Variants in CPNE8 observed in about 807,000 individuals in gnomAD.
CPNE8 encodes the protein copine-8.
In CPNE8, 45 loss-of-function variants were observed where a neutral mutation model predicts 81.5. The ratio of observed to expected loss-of-function variants is 0.55; its 90% CI spans 0.44 to 0.71. CPNE8 has a LOEUF of 0.71. CPNE8 is among the 30% of genes least tolerant of loss of function. The pLI is 0.00. For synonymous variants in CPNE8, 252 were observed against 226.3 expected (o/e 1.11, Z -1.02); for missense variants, 594 against 672.1 (o/e 0.88, Z 1.28).
chr12:38,833,770 A>G (rs1293757534), intron 5 of CPNE8, among the ~76,000 whole-genome samples: 2 of 151,956 alleles, frequency 1.3e-5, no homozygotes, highest in Non-Finnish European at 2.9e-5. Flanking sequence ...GAGCCACCGC[A>G]CCCGGCCACC....
chr12:38,777,230 C>A (rs1420195880), intron 6 of CPNE8, among the ~76,000 whole-genome samples: 1 of 151,454 alleles, frequency 6.6e-6, no homozygotes, highest in African/African-American at 2.4e-5. Context: ...AAATGTATAA[C>A]TTTGTGTCTT....
At chr12:38,669,312 G>A (rs980736899) in intron 19 of CPNE8, among the ~76,000 whole-genome samples, 5 of 151,822 alleles carry the variant, frequency 3.3e-5, no homozygotes, top group Non-Finnish European at 7.4e-5. Flanking sequence ...CTTTATCAAT[G>A]TTACTCTTTA....
chr12:38,842,563 T>C (rs1020981634), intron 4 of CPNE8, among the ~76,000 whole-genome samples: 1 of 150,904 alleles, frequency 6.6e-6, no homozygotes, highest in Non-Finnish European at 1.5e-5. Flanking sequence ...GAAATTAACA[T>C]TTTTCCTTTT....
rs560630017 is a variant in CPNE8 at position 38,833,777 on chromosome 12, C to A, written c.331-4322G>T. ...ACAGGTATGAGCCACCGCACCCGGC[C>A]ACCAATTTTTAAAAATTATCAAAGG... On this transcript the variant is annotated intron_variant, in intron 5 of 19. Coordinates refer to ENST00000331366, the MANE Select transcript of CPNE8 (RefSeq NM_153634.3). Among the ~76,000 whole-genome samples the A allele has an allele frequency of 3.3e-5, 5 of 152,176 alleles. No individual in the cohort carries two copies. In the East Asian group the frequency reaches 9.7e-4, roughly 30 times the overall value.
At chr12:38,782,566 G>A (rs180703731) in intron 6 of CPNE8, among the ~76,000 whole-genome samples, 32 of 152,180 alleles carry the variant, frequency 2.1e-4, no homozygotes, top group African/African-American at 7.7e-4. Context: ...CAGAAAGAAA[G>A]ACCTAGAATA....
upstream of CPNE8, chr12:38,905,751 A>G (rs1878225): frequency 0.86 from 1,205,105 of 1,395,982 alleles, 522,110 homozygotes; most frequent in African/African-American, 0.97. Context: ...TGACGCTGCC[A>G]GGCAAGTGGC....
chr12:38,723,693 C>T, intron 13 of CPNE8, 79 bp downstream of exon 13: 2 of 833,990 alleles, frequency 2.4e-6, no homozygotes, highest in Non-Finnish European at 4.1e-6. Flanking sequence ...ATTTCAGTGC[C>T]AGGTACCTCG....
intron 3 of CPNE8, among the ~76,000 whole-genome samples, chr12:38,853,814 C>A (rs192404203): frequency 7.3e-4 from 111 of 152,114 alleles, no homozygotes; most frequent in South Asian, 1.2e-3. Context: ...TTCAGAGAAG[C>A]AGTACTGGAA....
intron 17 of CPNE8, among the ~76,000 whole-genome samples, chr12:38,677,121 T>C (rs1344660460): frequency 2.0e-5 from 3 of 152,146 alleles, no homozygotes; most frequent in Non-Finnish European, 4.4e-5. Flanking sequence ...ATGTAAATGT[T>C]AAGAAATAAC....
chr12:38,692,119 C>G (rs1385527425), intron 15 of CPNE8, among the ~76,000 whole-genome samples: 1 of 151,946 alleles, frequency 6.6e-6, no homozygotes, highest in East Asian at 1.9e-4. Flanking sequence ...CAGTGAAACC[C>G]CATCTCTACT....
rs139100908 is a variant in CPNE8 at position 38,836,823 on chromosome 12, G to A, written c.330+3093C>T. On this transcript the variant is annotated intron_variant, in intron 5 of 19. Transcript: ENST00000331366. The stretch of plus-strand genomic sequence containing the variant: ...CTTTTGGGTTGGATGAGCTATATGC[G>A]TCTTTACCTAAAATCTGTACTTGTA... Among the ~76,000 whole-genome samples, 179 of 152,216 alleles carry A rather than the reference G, an allele frequency of 1.2e-3. 1 individual carries two copies. Among genetic ancestry groups the A allele is most frequent in the African/African-American group, 3.7e-3 (154 of 41,536 alleles).
intron 6 of CPNE8, among the ~76,000 whole-genome samples, chr12:38,785,190 A>G (rs1478664627): frequency 2.3e-5 from 3 of 131,144 alleles, no homozygotes; most frequent in South Asian, 5.1e-4. Flanking sequence ...TCTGTCTCTG[A>G]AAAAAAAAAA....
chr12:38,856,416 T>G (rs1235998601), intron 3 of CPNE8, among the ~76,000 whole-genome samples: 1 of 152,134 alleles, frequency 6.6e-6, no homozygotes, highest in Admixed American at 6.5e-5. Flanking sequence ...AAGAAAATTA[T>G]AGACCAATAT....
rs1227319074 is a variant in CPNE8, at chr12:38,815,281, G to GC, written c.407+14097dup. Among the ~76,000 whole-genome samples, 4 of 152,042 alleles carry GC rather than the reference G, an allele frequency of 2.6e-5. No homozygotes were observed. In the East Asian group the frequency reaches 5.8e-4, roughly 22 times the overall value. ...AAATATTATGAATAACTTTTTTCAA[G>GC]CCCCCCAGCACTTACCCTTTCCTCT... On this transcript the variant is annotated intron_variant, in intron 6 of 19. Coordinates refer to ENST00000331366, the MANE Select transcript of CPNE8 (RefSeq NM_153634.3).
At chr12:38,796,361 G>A (rs1942473029) in intron 6 of CPNE8, among the ~76,000 whole-genome samples, 1 of 151,898 alleles carries the variant, frequency 6.6e-6, no homozygotes, top group Non-Finnish European at 1.5e-5. Flanking sequence ...ATAAAATAAT[G>A]CAAATTTAGG....
intron 6 of CPNE8, among the ~76,000 whole-genome samples, chr12:38,827,832 G>C (rs941001003): frequency 6.6e-6 from 1 of 152,132 alleles, no homozygotes; most frequent in African/African-American, 2.4e-5. Flanking sequence ...GGTGGAGGAA[G>C]GGAGGAAAGT....
intron 15 of CPNE8, 69 bp from the exon 16 acceptor site, chr12:38,685,686 GA>G (rs1329182895): frequency 1.3e-6 from 2 of 1,518,192 alleles, no homozygotes; most frequent in Admixed American, 1.9e-5. Context: ...AAGATCAATT[GA>G]AAGAGATGAG....
intron 13 of CPNE8, among the ~76,000 whole-genome samples, chr12:38,705,390 C>T (rs1212479610): frequency 6.6e-6 from 1 of 152,140 alleles, no homozygotes; most frequent in Admixed American, 6.6e-5. Context: ...CAAATTCACA[C>T]ATTTTTTTTC....
intron 6 of CPNE8, among the ~76,000 whole-genome samples, chr12:38,796,632 G>T (rs937109249): frequency 6.6e-6 from 1 of 152,136 alleles, no homozygotes; most frequent in Non-Finnish European, 1.5e-5. Context: ...GAAGACGGGG[G>T]ATTTCTGCAT....
Sources: gnomAD v4.1 joint callset for allele counts (sites outside exome capture counted in the v4.1 genomes callset) on GRCh38, gnomAD v4.1.1 for gene constraint, MANE v1.5 for transcripts, NCBI Gene and HGNC (gene_info 2026-07-23, HGNC 2026-07-21) for gene names.